Variants in PLEKHA1 observed in about 807,000 individuals in gnomAD.
PLEKHA1 encodes the protein pleckstrin homology domain containing A1, also known as pleckstrin homology domain-containing family A member 1.
Under a neutral mutation model 52.0 loss-of-function variants are expected in PLEKHA1, and 34 were observed. That is an observed-to-expected ratio of 0.65 (90% CI 0.50 to 0.87). PLEKHA1 has a LOEUF of 0.87. Among genes scored for constraint, PLEKHA1 ranks in the 40% least tolerant of loss-of-function variants. The pLI is 0.00. For synonymous variants in PLEKHA1, 163 were observed against 170.7 expected (o/e 0.95, Z 0.35); for missense variants, 497 against 504.2 (o/e 0.99, Z 0.14).
In PLEKHA1 at chr10:122,430,781, GA is replaced by G. The variant is rs1200676357; in HGVS notation, c.*846del. On this transcript the variant is annotated 3_prime_UTR_variant, in exon 12 of 12. Coordinates refer to ENST00000368990, the MANE Select transcript of PLEKHA1 (RefSeq NM_001001974.4). ...TAAAGACATAACTGCCCTTAGTCAT[GA>G]AATTGTTGTGACCTCTACTTTTTGT... The G allele has an allele frequency of 8.5e-5, 13 of 152,364 alleles. No individual in the cohort carries two copies. Among genetic ancestry groups the G allele is most frequent in the Admixed American group, 7.8e-4 (12 of 15,304 alleles). 9.4% of individuals were successfully genotyped at this position (152,364 alleles called of 1,614,324 possible). A position where few individuals can be genotyped will look rare whatever the true frequency, so the allele number is the denominator to read the frequency against.
At chr10:122,403,529 T>G (rs900970356) in intron 4 of PLEKHA1, among the ~76,000 whole-genome samples, 2 of 152,110 alleles carry the variant, frequency 1.3e-5, no homozygotes, top group Admixed American at 1.3e-4. Flanking sequence ...GATACAAGCT[T>G]CTAGGGATGC....
intron 1 of PLEKHA1, among the ~76,000 whole-genome samples, chr10:122,378,596 C>T (rs1426393566): frequency 6.6e-6 from 1 of 151,820 alleles, no homozygotes; most frequent in Non-Finnish European, 1.5e-5. Flanking sequence ...ATCAGCCGGG[C>T]GTGGTGGCAT....
At chr10:122,420,595 C>T (rs1012142742) in intron 8 of PLEKHA1, 3 of 152,168 alleles carry the variant, frequency 2.0e-5, no homozygotes, top group Non-Finnish European at 4.4e-5. Context: ...GTATAAAAGA[C>T]TTAAGTGCAC....
At chr10:122,381,265 A>G (rs964224187) in intron 1 of PLEKHA1, among the ~76,000 whole-genome samples, 2 of 152,112 alleles carry the variant, frequency 1.3e-5, no homozygotes, top group African/African-American at 4.8e-5. Context: ...GAGAAGTAGG[A>G]TTCTGGTTAT....
chr10:122,424,492 GA>G (rs1394207589), intron 9 of PLEKHA1, among the ~76,000 whole-genome samples: 1 of 152,058 alleles, frequency 6.6e-6, no homozygotes, highest in African/African-American at 2.4e-5. Context: ...TTGTTTCTTT[GA>G]AAACTAAAAA....
At chr10:122,401,757 A>G (rs1299447160) in intron 4 of PLEKHA1, among the ~76,000 whole-genome samples, 1 of 152,200 alleles carries the variant, frequency 6.6e-6, no homozygotes, top group Non-Finnish European at 1.5e-5. Flanking sequence ...GTTAGTGGAC[A>G]TGAGTGACTG....
chr10:122,422,948 CAT>C (rs1415545212), intron 8 of PLEKHA1: 1 of 152,034 alleles, frequency 6.6e-6, no homozygotes, highest in Non-Finnish European at 1.5e-5. Flanking sequence ...CATATATAAA[CAT>C]AAACAGATAA....
intron 8 of PLEKHA1, chr10:122,418,296 G>T (rs1381549343): frequency 9.3e-6 from 2 of 214,604 alleles, no homozygotes; most frequent in Non-Finnish European, 9.3e-6. Flanking sequence ...GCATCCACAT[G>T]GGGAAGGGGT....
At position 122,393,943 on chromosome 10, in the gene PLEKHA1, G is replaced by C. The variant is rs1041647897; in HGVS notation, c.141+602G>C. On this transcript the variant is annotated intron_variant, in intron 2 of 11. Coordinates refer to ENST00000368990, the MANE Select transcript of PLEKHA1 (RefSeq NM_001001974.4). The surrounding 1 kb of genome is among the most constrained non-coding windows in gnomAD (Gnocchi z 4.5). The stretch of plus-strand genomic sequence containing the variant: ...CCATCCATGAACTGAAATGCAGTTT[G>C]ATTTTATTGTTGCCTTGCAAAACAC... Among the ~76,000 whole-genome samples the C allele has an allele frequency of 7.9e-5, 12 of 151,884 alleles. No individual in the cohort carries two copies. The highest frequency in any genetic ancestry group is 2.9e-4 in the African/African-American group (12 of 41,364).
At chr10:122,434,927 C>T (rs1487488110), downstream of PLEKHA1, 3 of 151,568 alleles carry the variant, frequency 2.0e-5, no homozygotes, top group Non-Finnish European at 2.9e-5. Flanking sequence ...CATAGTATTC[C>T]ATGGTGTATA....
In PLEKHA1 at chr10:122,426,928, CT is replaced by C. The variant is rs748057794; in HGVS notation, c.811-8del. On this transcript the variant is annotated splice_polypyrimidine_tract_variant and intron_variant, in intron 10 of 11. Coordinates refer to ENST00000368990, the MANE Select transcript of PLEKHA1 (RefSeq NM_001001974.4). ...TGAGAAAAAATTGTTTGAATGAGTT[CT>C]TTTTTCCTTTAGGCTGATAGCCCTG... 2 of 1,605,164 alleles carry C rather than the reference CT, an allele frequency of 1.2e-6. No homozygotes were observed. Among genetic ancestry groups the C allele is most frequent in the Non-Finnish European group, 1.7e-6 (2 of 1,173,246 alleles).
At chr10:122,441,316 A>G in the PLEKHA1 span, 1 of 152,124 alleles carries the variant, frequency 6.6e-6, no homozygotes, top group Non-Finnish European at 1.5e-5. Flanking sequence ...CTAAAATTCA[A>G]AAAGAATTAG....
At chr10:122,438,369 T>A in the PLEKHA1 span, 1 of 152,238 alleles carries the variant, frequency 6.6e-6, no homozygotes, top group African/African-American at 2.4e-5. Context: ...TTGGAACAAG[T>A]CCTTGAGGAG....
chr10:122,411,315 T>C (rs1385976262), intron 5 of PLEKHA1, among the ~76,000 whole-genome samples: 4 of 152,176 alleles, frequency 2.6e-5, no homozygotes, highest in African/African-American at 9.7e-5. Flanking sequence ...TAGAAGTCAC[T>C]TAAGAGACAA....
At chr10:122,382,116 T>A (rs2096623250) in intron 1 of PLEKHA1, among the ~76,000 whole-genome samples, 1 of 152,226 alleles carries the variant, frequency 6.6e-6, no homozygotes, top group Non-Finnish European at 1.5e-5. Flanking sequence ...AATCGTTTCT[T>A]TTTTTAGAAA....
At position 122,424,171 on chromosome 10, in the gene PLEKHA1, GTTTTTTTTTT is replaced by G. The variant is rs34058512; in HGVS notation, c.682-15_682-6del. 15,917 of 955,662 alleles carry G rather than the reference GTTTTTTTTTT, an allele frequency of 0.017. 1,256 individuals are homozygous for G. The African/African-American group carries it at 0.29, about 17-fold the overall frequency. 59.2% of individuals were successfully genotyped at this position (955,662 alleles called of 1,614,324 possible). A position where few individuals can be genotyped will look rare whatever the true frequency, so the allele number is the denominator to read the frequency against. On this transcript the variant is annotated intron_variant, in intron 8 of 11. Transcript: ENST00000368990. ...TTTTAAGAATAAACATCATGTAACT[GTTTTTTTTTT>G]TTTTTTTTTTTTGCCAGGAAAAGGA...
At chr10:122,439,007 C>T in the PLEKHA1 span, 1 of 152,344 alleles carries the variant, frequency 6.6e-6, no homozygotes, top group East Asian at 1.9e-4. Flanking sequence ...TAGTGGTTCC[C>T]CATGCTGCTG....
chr10:122,401,793 A>G (rs979860751), intron 4 of PLEKHA1, among the ~76,000 whole-genome samples: 2 of 152,222 alleles, frequency 1.3e-5, no homozygotes, highest in Admixed American at 6.5e-5. Context: ...GGAGTGGTCA[A>G]CTAACATCAA....
rs2096826505 is a variant in PLEKHA1 at position 122,394,650 on chromosome 10, A to AT, written c.141+1310dup. Reference sequence around the variant, plus strand: ...ATATACTGATTTTAGATTAGACAAGATATATATGTGTCTATAGTAGATACT... The same window carrying AT: ...ATATACTGATTTTAGATTAGACAAGATTATATATGTGTCTATAGTAGATACT... On this transcript the variant is annotated intron_variant, in intron 2 of 11. Transcript: ENST00000368990. Among the ~76,000 whole-genome samples, 4 of 152,214 alleles carry AT rather than the reference A, an allele frequency of 2.6e-5. No individual in the cohort carries two copies. In the South Asian group the frequency reaches 8.3e-4, roughly 32 times the overall value.
Sources: gnomAD v4.1 joint callset for allele counts (sites outside exome capture counted in the v4.1 genomes callset) on GRCh38, gnomAD v4.1.1 for gene constraint, Gnocchi (gnomAD v3.1) non-coding constraint, MANE v1.5 for transcripts, NCBI Gene and HGNC (gene_info 2026-07-23, HGNC 2026-07-21) for gene names.